The following SYTL2 variants were observed in gnomAD, a reference collection of about 807,000 sequenced individuals.
SYTL2 encodes the protein synaptotagmin-like protein 2.
In SYTL2, 165 loss-of-function variants were observed where a neutral mutation model predicts 198.7. That is an observed-to-expected ratio of 0.83 (90% CI 0.73 to 0.94). The LOEUF (loss-of-function observed/expected upper bound fraction) is 0.94. Among genes scored for constraint, SYTL2 ranks in the 40% least tolerant of loss-of-function variants. SYTL2 has a pLI of 0.00. For synonymous variants in SYTL2, 966 were observed against 917.7 expected (o/e 1.05, Z -0.95); for missense variants, 2,835 against 2,582.8 (o/e 1.10, Z -2.12).
intron 11 of SYTL2, 24 bp downstream of exon 11, chr11:85,717,459 T>G (rs1565900711): frequency 6.2e-7 from 1 of 1,603,754 alleles, no homozygotes; most frequent in Non-Finnish European, 8.5e-7. Flanking sequence ...TTTAGTCATT[T>G]GTGAGAAAGA....
chr11:85,814,614 G>A (rs960003370), upstream of SYTL2, among the ~76,000 whole-genome samples: 4 of 152,194 alleles, frequency 2.6e-5, no homozygotes, highest in Non-Finnish European at 5.9e-5. Flanking sequence ...TCTCTGAGCT[G>A]CCTTCTTGGA....
intron 4 of SYTL2, among the ~76,000 whole-genome samples, chr11:85,741,193 G>A (rs1048993563): frequency 2.0e-5 from 3 of 151,896 alleles, no homozygotes; most frequent in African/African-American, 7.3e-5. Context: ...GGCTCAAGCT[G>A]TGTCTCATCC....
chr11:85,772,409 T>C (rs1034642274), intron 1 of SYTL2, among the ~76,000 whole-genome samples: 2 of 152,230 alleles, frequency 1.3e-5, no homozygotes, highest in African/African-American at 4.8e-5. Flanking sequence ...TTAATGAATA[T>C]CTGACTTGCT....
intron 4 of SYTL2, among the ~76,000 whole-genome samples, chr11:85,741,989 C>G (rs999178665): frequency 1.3e-5 from 2 of 152,204 alleles, no homozygotes; most frequent in African/African-American, 4.8e-5. Flanking sequence ...TGCGATTTTA[C>G]AGGTAAGTGC....
chr11:85,853,273 T>G, the SYTL2 span: 2 of 436,258 alleles, frequency 4.6e-6, no homozygotes, highest in South Asian at 3.2e-5. Flanking sequence ...GTGTCTTGAG[T>G]AGAAAAAAGT....
In SYTL2 at chr11:85,727,265, G is replaced by C; in HGVS notation, c.2093C>G (p.Pro698Arg). The change falls in exon 8 of 20, where the codon CCC becomes CGC. Residue 698 changes from proline to arginine, a missense_variant. Physicochemically the swap from Pro to Arg is moderately radical, Grantham distance 103 (BLOSUM62 -2). Around this residue, in one of 3 missense-constraint regions of SYTL2, gnomAD observed 2,645 missense variants for 2,381.7 expected, o/e 1.11. Coordinates refer to ENST00000359152, the MANE Select transcript of SYTL2 (RefSeq NM_206927.4). Reference sequence around the variant, plus strand: ...ATTTTCTTCATGAGCATGAAACTTGGGTTCTTCTTCACCCAAGTTGCCAAT... The same window carrying C: ...ATTTTCTTCATGAGCATGAAACTTGCGTTCTTCTTCACCCAAGTTGCCAAT... ...NNIGNLGEEEPKFHAHEENRG... is the reference protein window; with the variant it reads ...NNIGNLGEEERKFHAHEENRG... 3 of 1,535,048 alleles carry C rather than the reference G, an allele frequency of 2.0e-6. No individual in the cohort carries two copies. Among genetic ancestry groups the C allele is most frequent in the Non-Finnish European group, 2.6e-6 (3 of 1,146,648 alleles).
chr11:85,734,275 G>A lies in SYTL2; in HGVS notation c.1054C>T (p.Arg352Trp), dbSNP rs768108453. 1.8e-5 allele frequency: 29 copies of A among 1,613,942 alleles called. No individual in the cohort carries two copies. The South Asian group carries it at 2.1e-4, about 12-fold the overall frequency. ...AAAACACTAAATTCTCCTACTTCCC[G>A]ACCATGGATTAGCCCAGGACTCTGT... The part of the protein sequence containing the change: ...LPQSPGLIHG[R>W]EVGEFSVLES... The change falls in exon 7 of 20, where the codon CGG becomes TGG. Residue 352 changes from arginine (R) to tryptophan (W), a missense_variant. Transcript: ENST00000359152.
rs778448397 is a variant in SYTL2, at chr11:85,726,594, A to C, written c.2764T>G (p.Ser922Ala). 1.3e-6 allele frequency: 2 copies of C among 1,563,072 alleles called. No individual in the cohort carries two copies. Among genetic ancestry groups the C allele is most frequent in the African/African-American group, 2.7e-5 (2 of 73,922 alleles). The change falls in exon 8 of 20, where the codon TCT (serine) becomes GCT (alanine). Residue 922 changes from serine (S) to alanine (A), a missense_variant. Ser to Ala is a moderately conservative substitution (Grantham distance 99). This residue lies in a region of SYTL2 where 2,645 missense variants were observed against 2,381.7 expected (regional missense o/e 1.11). Coordinates refer to ENST00000359152, the MANE Select transcript of SYTL2 (RefSeq NM_206927.4). Reference protein sequence around the residue: ...KRSQVADSLPSRRNITLPALQ... With the variant: ...KRSQVADSLPARRNITLPALQ... ...GCTGGTAAAGTAATGTTTCTTCTAG[A>C]AGGCAAACTGTCTGCCACTTGTGAT...
chr11:85,832,820 T>C, the SYTL2 span, among the ~76,000 whole-genome samples: 1 of 150,100 alleles, frequency 6.7e-6, no homozygotes, highest in South Asian at 2.1e-4. Context: ...AGTGAGACCT[T>C]GTATCTACAA....
intron 2 of SYTL2, among the ~76,000 whole-genome samples, chr11:85,748,689 T>C (rs1162044785): frequency 6.6e-6 from 1 of 152,240 alleles, no homozygotes; most frequent in African/African-American, 2.4e-5. Flanking sequence ...ATTCACTTTT[T>C]GGCTGCATTC....
At chr11:85,728,107 G>A in intron 7 of SYTL2, 140 bp from the exon 8 acceptor site, 3 of 709,452 alleles carry the variant, frequency 4.2e-6, no homozygotes, top group Non-Finnish European at 6.7e-6. Flanking sequence ...ATTTTTCAGG[G>A]GTTAAAATGT....
intron 11 of SYTL2, chr11:85,714,804 A>T (rs2086892865): frequency 1.7e-6 from 1 of 601,360 alleles, no homozygotes; most frequent in African/African-American, 2.0e-5. Flanking sequence ...GTCAGTGTGA[A>T]TTGGTTTAGC....
intron 16 of SYTL2, among the ~76,000 whole-genome samples, chr11:85,701,016 GC>G (rs1390141714): frequency 6.6e-6 from 1 of 152,120 alleles, no homozygotes; most frequent in Admixed American, 6.5e-5. Context: ...GGGGGGAAAG[GC>G]CATATCTTAC....
chr11:85,705,146 G>A (rs2084930488), intron 15 of SYTL2, 118 bp from the exon 16 acceptor site: 2 of 673,252 alleles, frequency 3.0e-6, no homozygotes, highest in East Asian at 2.8e-5. Context: ...GTTAGGTTTC[G>A]AGTCCCAAAA....
intron 1 of SYTL2, among the ~76,000 whole-genome samples, chr11:85,780,073 G>A (rs545805796): frequency 6.6e-6 from 1 of 152,320 alleles, no homozygotes; most frequent in African/African-American, 2.4e-5. Flanking sequence ...TCACACTGGT[G>A]AAAGAAGACA....
At chr11:85,824,354 T>C in the SYTL2 span, among the ~76,000 whole-genome samples, 1 of 152,074 alleles carries the variant, frequency 6.6e-6, no homozygotes, top group East Asian at 1.9e-4. Context: ...GGAACATTTA[T>C]ACAAGCAGGA....
At chr11:85,825,184 C>G in the SYTL2 span, among the ~76,000 whole-genome samples, 1 of 151,982 alleles carries the variant, frequency 6.6e-6, no homozygotes, top group Non-Finnish European at 1.5e-5. Context: ...GTCAGGAGAT[C>G]GAGACCATCC....
At chr11:85,837,799 T>C in the SYTL2 span, among the ~76,000 whole-genome samples, 4 of 152,166 alleles carry the variant, frequency 2.6e-5, no homozygotes, top group South Asian at 8.3e-4. Context: ...TGAATAATGA[T>C]GGAGCACTTT....
the SYTL2 span, among the ~76,000 whole-genome samples, chr11:85,851,532 G>A: frequency 4.6e-5 from 7 of 152,254 alleles, no homozygotes; most frequent in South Asian, 4.2e-4. Flanking sequence ...ACTTTCCTAC[G>A]TCTATTTCTA....
Sources: allele counts gnomAD v4.1 joint callset (sites outside exome capture counted in the v4.1 genomes callset), GRCh38; gene constraint gnomAD v4.1.1; regional missense constraint gnomAD v4.1.1; transcripts MANE v1.5; gene names NCBI Gene and HGNC (gene_info 2026-07-23, HGNC 2026-07-21).